IBTK: variants seen among roughly 807,000 people sequenced by gnomAD.
IBTK encodes BTK-binding protein.
A neutral mutation model predicts 154.9 loss-of-function variants in IBTK; 83 were observed. The observed-to-expected ratio is 0.54, with a 90% confidence interval of 0.45 to 0.64. IBTK has a LOEUF of 0.64. Ranked by LOEUF, IBTK falls within the 30% of genes least tolerant of loss-of-function variation. The pLI is 0.00. For synonymous variants in IBTK, 515 were observed against 536.1 expected, an observed-to-expected ratio of 0.96 and a Z score of 0.54; for missense variants, 1,332 against 1,584.6, an observed-to-expected ratio of 0.84 and a Z score of 2.71.
chr6:82,231,988 C>G (rs1770523062), intron 3 of IBTK, 146 bp from the exon 4 acceptor site: 1 of 509,076 alleles, frequency 2.0e-6, no homozygotes, highest in African/African-American at 1.9e-5. Context: ...AATAGAAAAT[C>G]CAAATCATAG....
At chr6:82,246,441 C>CTTT (rs1554189129) in intron 1 of IBTK, among the ~76,000 whole-genome samples, 3 of 111,672 alleles carry the variant, frequency 2.7e-5, no homozygotes, top group Admixed American at 1.0e-4. Flanking sequence ...TTACAGGCAT[C>CTTT]TTTTTTTTTT....
intron 21 of IBTK, among the ~76,000 whole-genome samples, chr6:82,199,073 A>C (rs1230137482): frequency 6.6e-6 from 1 of 152,190 alleles, no homozygotes; most frequent in African/African-American, 2.4e-5. Flanking sequence ...GTATAATACT[A>C]ATTAACACTA....
chr6:82,174,821 A>G (rs1768051996), intron 26 of IBTK: 1 of 367,862 alleles, frequency 2.7e-6, no homozygotes, highest in African/African-American at 2.1e-5. Context: ...AACAAGTTAG[A>G]TAAGTAGCAG....
intron 1 of IBTK, among the ~76,000 whole-genome samples, chr6:82,245,365 C>G (rs547858882): frequency 6.6e-6 from 1 of 151,994 alleles, no homozygotes. Context: ...TTGAAATCAG[C>G]CTGGGCAACA....
rs1582227275 is a variant in IBTK at position 82,214,497 on chromosome 6, T to C, written c.1934A>G (p.His645Arg). 5.0e-6 allele frequency: 8 copies of C among 1,613,980 alleles called. No homozygotes were observed. In the East Asian group the frequency reaches 6.7e-5, roughly 13 times the overall value. Residue 645 changes from histidine (H) to arginine (R), a missense_variant, in exon 12 of 29, where the codon CAT (histidine) becomes CGT (arginine). His to Arg is a conservative substitution (Grantham distance 29). This residue lies in a region of IBTK where 1,134 missense variants were observed against 1,274.7 expected (regional missense o/e 0.89). Coordinates refer to ENST00000306270, the MANE Select transcript of IBTK (RefSeq NM_015525.4). ...TAAGTGTATTCTTGGTTTGAAGCCATGAGTTAAAAAGTCACAAGTATCTGT... is the reference window on the plus strand; with the variant it reads ...TAAGTGTATTCTTGGTTTGAAGCCACGAGTTAAAAAGTCACAAGTATCTGT... ...IYTDTCDFLTHGFKPRIHLNK... is the reference protein window; with the variant it reads ...IYTDTCDFLTRGFKPRIHLNK...
At position 82,196,333 on chromosome 6, in the gene IBTK, CA is replaced by C; in HGVS notation, c.3138del (p.Asp1047IlefsTer31). The C allele has an allele frequency of 6.2e-7, 1 of 1,608,228 alleles. No individual in the cohort carries two copies. Among genetic ancestry groups the C allele is most frequent in the Non-Finnish European group, 8.5e-7 (1 of 1,177,342 alleles). ...TCTGAATGAAATCCTGTTGTGAAATCAGGGGACTGTAAATCTCTAGGACTAC... is the reference window on the plus strand; with the variant it reads ...TCTGAATGAAATCCTGTTGTGAAATCGGGGACTGTAAATCTCTAGGACTAC... ...GVGSPRDLQS[P>X]DFTTGFHSDK... On this transcript the variant is annotated frameshift_variant, in exon 22 of 29. Coordinates refer to ENST00000306270, the MANE Select transcript of IBTK (RefSeq NM_015525.4). LOFTEE classifies it high-confidence loss of function.
At chr6:82,174,920 A>G (rs960415253) in intron 26 of IBTK, 2 of 455,124 alleles carry the variant, frequency 4.4e-6, no homozygotes, top group African/African-American at 4.0e-5. Flanking sequence ...TATTCCCCTT[A>G]TTCTGGAATA....
intron 26 of IBTK, among the ~76,000 whole-genome samples, chr6:82,178,592 A>C (rs2127797836): frequency 6.6e-6 from 1 of 152,338 alleles, no homozygotes; most frequent in East Asian, 1.9e-4. Context: ...ACTGGTAGTA[A>C]AATGATGAGC....
chr6:82,199,303 G>C (rs896415334), intron 21 of IBTK, among the ~76,000 whole-genome samples: 3 of 152,018 alleles, frequency 2.0e-5, no homozygotes, highest in Admixed American at 6.6e-5. Context: ...GCAACAAAGA[G>C]TCTGCAAGAA....
chr6:82,214,881 T>C (rs756548679), intron 11 of IBTK, 52 bp from the exon 12 acceptor site: 1 of 1,495,036 alleles, frequency 6.7e-7, no homozygotes, highest in South Asian at 1.4e-5. Context: ...AAGGAAATCC[T>C]TTTTCATACC....
intron 8 of IBTK, among the ~76,000 whole-genome samples, chr6:82,221,637 C>A (rs1381834104): frequency 6.6e-6 from 1 of 152,118 alleles, no homozygotes; most frequent in East Asian, 1.9e-4. Flanking sequence ...TTCAAAATTA[C>A]TATATTGTAT....
At chr6:82,185,534 CA>C (rs1047532535) in intron 25 of IBTK, among the ~76,000 whole-genome samples, 62 of 148,646 alleles carry the variant, frequency 4.2e-4, no homozygotes, top group African/African-American at 6.9e-4. Context: ...GTCTCAAAAA[CA>C]AAAAAAAAGT....
At chr6:82,200,528 C>G in intron 20 of IBTK, 59 bp downstream of exon 20, 1 of 1,350,262 alleles carries the variant, frequency 7.4e-7, no homozygotes, top group African/African-American at 1.5e-5. Context: ...TGAAGGGACA[C>G]ACTGGAGAAA....
chr6:82,231,681 C>A, intron 4 of IBTK, 37 bp downstream of exon 4: 2 of 1,489,606 alleles, frequency 1.3e-6, no homozygotes, highest in South Asian at 1.4e-5. Context: ...AGTTCTTTCT[C>A]ATCTCTAAAA....
Position 82,242,022 on chromosome 6 carries a change from T to C in IBTK, c.-357-1179A>G, listed in dbSNP as rs150899602. ...TTTCTCCACCTGGAAACTAGATGAT[T>C]ATAATCTTCTCTATTAGGTTGGTAC... is the stretch of plus-strand genomic sequence containing the variant. On this transcript the variant is annotated intron_variant, in intron 1 of 28. Coordinates refer to ENST00000306270, the MANE Select transcript of IBTK (RefSeq NM_015525.4). Among the ~76,000 whole-genome samples the C allele has an allele frequency of 2.0e-3, 307 of 152,366 alleles. 1 individual carries two copies. The highest frequency in any genetic ancestry group is 7.2e-3 in the African/African-American group (300 of 41,590).
At chr6:82,241,406 A>G (rs776682378) in intron 1 of IBTK, among the ~76,000 whole-genome samples, 1 of 152,230 alleles carries the variant, frequency 6.6e-6, no homozygotes, top group Non-Finnish European at 1.5e-5. Flanking sequence ...CTAAGTACCC[A>G]GGCACTGTGT....
intron 18 of IBTK, 27 bp downstream of exon 18, chr6:82,202,501 A>G (rs12194332): frequency 5.0e-6 from 6 of 1,195,078 alleles, no homozygotes; most frequent in Non-Finnish European, 7.5e-6. Flanking sequence ...TTTTGCAACA[A>G]TCTTACAACA....
chr6:82,172,597 T>C, intron 27 of IBTK, 85 bp from the exon 28 acceptor site: 1 of 1,252,342 alleles, frequency 8.0e-7, no homozygotes, highest in South Asian at 1.5e-5. Flanking sequence ...TTAGCAATGC[T>C]ACAATTCTTT....
intron 10 of IBTK, 40 bp from the exon 11 acceptor site, chr6:82,216,290 C>A: frequency 7.9e-7 from 1 of 1,269,006 alleles, no homozygotes. Flanking sequence ...CAAGGCTTTA[C>A]TGAAACTACT....
Sources: allele counts gnomAD v4.1 joint callset (sites outside exome capture counted in the v4.1 genomes callset), GRCh38; gene constraint gnomAD v4.1.1; regional missense constraint gnomAD v4.1.1; transcripts MANE v1.5; gene names NCBI Gene and HGNC (gene_info 2026-07-23, HGNC 2026-07-21).